Variants in EIF5B observed in about 807,000 individuals in gnomAD.
EIF5B encodes the protein eukaryotic translation initiation factor 5B.
EIF5B carries 47 observed loss-of-function variants against 147.5 expected under a neutral mutation model. That is an observed-to-expected ratio of 0.32 (90% confidence interval 0.25 to 0.41). The LOEUF (loss-of-function observed/expected upper bound fraction) is 0.41. EIF5B is among the 10% of genes least tolerant of loss of function. The pLI is 1.00. For missense variants in EIF5B, 1,064 were observed against 1,413.2 expected, an observed-to-expected ratio of 0.75 and a Z score of 3.96; for synonymous variants, 455 against 456.2, an observed-to-expected ratio of 1.00 and a Z score of 0.03.
intron 7 of EIF5B, 98 bp from the exon 8 acceptor site, chr2:99,369,294 G>C: frequency 1.1e-6 from 1 of 875,218 alleles, no homozygotes. Context: ...AAAATAAATA[G>C]GTTTACACTA....
intron 3 of EIF5B, among the ~76,000 whole-genome samples, 155 bp from the exon 4 acceptor site, chr2:99,360,993 C>G (rs1183188370): frequency 1.3e-5 from 2 of 152,234 alleles, no homozygotes; most frequent in Non-Finnish European, 2.9e-5. Flanking sequence ...GCCAACCTCT[C>G]TTGCTTGTTT....
chr2:99,371,413 G>A lies in EIF5B; in HGVS notation c.1478-243G>A, dbSNP rs376990087. Among the ~76,000 whole-genome samples, 499 of 151,396 alleles carry A rather than the reference G, an allele frequency of 3.3e-3. 4 individuals are homozygous for A. Among genetic ancestry groups the A allele is most frequent in the African/African-American group, 0.011 (466 of 41,242 alleles). Reference sequence around the variant, plus strand: ...TGAGGCAGGAGAATGGCGTGAACCCGGAAGGCGGAGCTTGCAGTGAGCCGA... The same window carrying A: ...TGAGGCAGGAGAATGGCGTGAACCCAGAAGGCGGAGCTTGCAGTGAGCCGA... On this transcript the variant is annotated intron_variant, in intron 8 of 23. Transcript: ENST00000289371.
intron 8 of EIF5B, 148 bp from the exon 9 acceptor site, chr2:99,371,508 T>A (rs1012427905): frequency 2.4e-5 from 12 of 500,154 alleles, no homozygotes; most frequent in Admixed American, 1.5e-4. Flanking sequence ...AAAAAAAAGA[T>A]AGTTCTAAAG....
rs1467240628 is a variant in EIF5B at position 99,382,936 on chromosome 2, TG to T, written c.2271+16del. ...CACTCAATAAGGTATGTGCGCCTTC[TG>T]AAAAATTAACCTAGGAAAACATGTT... On this transcript the variant is annotated intron_variant, in intron 14 of 23. Coordinates refer to ENST00000289371, the MANE Select transcript of EIF5B (RefSeq NM_015904.4). 1 of 1,550,496 alleles carries T rather than the reference TG, an allele frequency of 6.4e-7. No individual in the cohort carries two copies. Among genetic ancestry groups the T allele is most frequent in the African/African-American group, 1.4e-5 (1 of 71,806 alleles).
Position 99,360,242 on chromosome 2 carries a change from G to A in EIF5B, c.42G>A (p.Lys14=). The stretch of plus-strand genomic sequence containing the variant: ...GTTTTTGTTTTCATTTAAGCACCAA[G>A]GATGACATTGATCTTGATGCCTTGG... The part of the protein sequence containing the change: ...KQKNKSEDST[K]DDIDLDALAA... The change falls in exon 2 of 24, where the codon AAG becomes AAA. Residue 14 remains lysine, a synonymous_variant. Transcript: ENST00000289371. 6.3e-7 allele frequency: 1 copy of A among 1,595,384 alleles called. No homozygotes were observed. The highest frequency in any genetic ancestry group is 8.5e-7 in the Non-Finnish European group (1 of 1,174,618).
chr2:99,390,555 C>T lies in EIF5B; in HGVS notation c.2598C>T (p.Leu866=). The change falls in exon 17 of 24, where the codon CTC becomes CTT. Residue 866 remains leucine (L), a synonymous_variant. Coordinates refer to ENST00000289371, the MANE Select transcript of EIF5B (RefSeq NM_015904.4). ...LRAQVMEVKA[L]PGMGTTIDVI... is the part of the protein sequence containing the mutation. ...TTAATGCCTTTTAGGTTAAAGCTCTCCCGGGGATGGGCACCACTATAGATG... is the reference window on the plus strand; with the variant it reads ...TTAATGCCTTTTAGGTTAAAGCTCTTCCGGGGATGGGCACCACTATAGATG... 6.2e-7 allele frequency: 1 copy of T among 1,606,808 alleles called. No individual in the cohort carries two copies. Among genetic ancestry groups the T allele is most frequent in the Non-Finnish European group, 8.5e-7 (1 of 1,174,328 alleles).
At chr2:99,363,088 C>T (rs1674254520) in intron 4 of EIF5B, among the ~76,000 whole-genome samples, 1 of 152,086 alleles carries the variant, frequency 6.6e-6, no homozygotes, top group Admixed American at 6.5e-5. Context: ...TATTTATTAT[C>T]TGGATATATT....
At chr2:99,339,911 T>G (rs1483374548) in intron 1 of EIF5B, among the ~76,000 whole-genome samples, 1 of 152,034 alleles carries the variant, frequency 6.6e-6, no homozygotes, top group African/African-American at 2.4e-5. Flanking sequence ...TAATCTGTGT[T>G]TTGTTGTTGT....
intron 14 of EIF5B, among the ~76,000 whole-genome samples, chr2:99,384,489 A>T (rs181194035): frequency 2.0e-5 from 3 of 152,360 alleles, no homozygotes; most frequent in African/African-American, 7.2e-5. Context: ...ACTTTCAAGT[A>T]TTGTTACTTA....
At chr2:99,370,314 G>A (rs959076310) in intron 8 of EIF5B, among the ~76,000 whole-genome samples, 1 of 152,080 alleles carries the variant, frequency 6.6e-6, no homozygotes, top group African/African-American at 2.4e-5. Flanking sequence ...GGGAGAGCTG[G>A]GGCTGCCTAA....
intron 17 of EIF5B, among the ~76,000 whole-genome samples, chr2:99,391,672 TCTGTAGA>T (rs1442595193): frequency 6.6e-6 from 1 of 152,126 alleles, no homozygotes; most frequent in Non-Finnish European, 1.5e-5. Context: ...CTTAGAAGTG[TCTGTAGA>T]CTTTATGTAG....
Position 99,396,962 on chromosome 2 carries a change from G to A in EIF5B, c.3393+64G>A, listed in dbSNP as rs527640953. 73 of 1,531,122 alleles carry A rather than the reference G, an allele frequency of 4.8e-5. 2 individuals carry two copies. The highest frequency in any genetic ancestry group is 1.2e-4 in the African/African-American group (9 of 72,256). 94.8% of individuals were successfully genotyped at this position (1,531,122 alleles called of 1,614,324 possible). The stretch of plus-strand genomic sequence containing the variant: ...AGCACTAAATGAGTGTCCAAGAGTC[G>A]TACCAACACAGCTTTGTGCCTGTAG... On this transcript the variant is annotated intron_variant, in intron 22 of 23. Transcript: ENST00000289371.
At chr2:99,383,845 G>A (rs1359663812) in intron 14 of EIF5B, among the ~76,000 whole-genome samples, 1 of 140,194 alleles carries the variant, frequency 7.1e-6, no homozygotes, top group Non-Finnish European at 1.6e-5. Flanking sequence ...TGGCTTCAAA[G>A]CTTCAAAGGT....
At chr2:99,339,420 TTCAG>T (rs1291804613) in intron 1 of EIF5B, among the ~76,000 whole-genome samples, 1 of 152,338 alleles carries the variant, frequency 6.6e-6, no homozygotes, top group East Asian at 1.9e-4. Context: ...TTAGCAAATA[TTCAG>T]TCAGTTTGCT....
chr2:99,339,954 C>G (rs2094256281), intron 1 of EIF5B, among the ~76,000 whole-genome samples: 1 of 152,030 alleles, frequency 6.6e-6, no homozygotes, highest in African/African-American at 2.4e-5. Context: ...TTGTTTTTGG[C>G]TCATGTTGAA....
At chr2:99,379,605 CTACATAT>C (rs1674647420) in intron 12 of EIF5B, among the ~76,000 whole-genome samples, 177 bp downstream of exon 12, 1 of 152,152 alleles carries the variant, frequency 6.6e-6, no homozygotes, top group Admixed American at 6.5e-5. Flanking sequence ...GAATAAAACA[CTACATAT>C]TATAGGAGCT....
At chr2:99,397,659 C>CT (rs892793958) in intron 22 of EIF5B, 2 of 152,412 alleles carry the variant, frequency 1.3e-5, no homozygotes, top group Admixed American at 6.5e-5. Context: ...TGCTGATGCT[C>CT]TGATTTCCTG....
intron 10 of EIF5B, among the ~76,000 whole-genome samples, chr2:99,377,276 A>G (rs1005921433): frequency 7.9e-5 from 12 of 151,836 alleles, no homozygotes; most frequent in East Asian, 1.9e-4. Flanking sequence ...TACTACCTAT[A>G]TATCAACATT....
intron 1 of EIF5B, among the ~76,000 whole-genome samples, chr2:99,345,337 A>T (rs1218959152): frequency 6.6e-6 from 1 of 152,152 alleles, no homozygotes; most frequent in East Asian, 1.9e-4. Flanking sequence ...TCGTGCCTGT[A>T]ATTGCAGAAC....
Sources: allele counts gnomAD v4.1 joint callset (sites outside exome capture counted in the v4.1 genomes callset), GRCh38; gene constraint gnomAD v4.1.1; transcripts MANE v1.5; gene names NCBI Gene and HGNC (gene_info 2026-07-23, HGNC 2026-07-21).